Variants in NEDD4L observed in about 807,000 individuals in gnomAD.
The protein encoded by NEDD4L is NEDD4 like E3 ubiquitin protein ligase, also known as E3 ubiquitin-protein ligase NEDD4-like.
In NEDD4L, 54 loss-of-function variants were observed where a neutral mutation model predicts 148.9. The ratio of observed to expected loss-of-function variants is 0.36; its 90% confidence interval spans 0.29 to 0.45. NEDD4L has a LOEUF of 0.45. Among genes scored for constraint, NEDD4L ranks in the 20% least tolerant of loss-of-function variants. The pLI is 1.00. For synonymous variants in NEDD4L, 433 were observed against 440.7 expected, an observed-to-expected ratio of 0.98 and a Z score of 0.22; for missense variants, 856 against 1,233.8, an observed-to-expected ratio of 0.69 and a Z score of 4.59.
chr18:58,389,019 AT>A, intron 27 of NEDD4L, 65 bp from the exon 28 acceptor site: 1 of 1,314,798 alleles, frequency 7.6e-7, no homozygotes, highest in Non-Finnish European at 1.1e-6. Flanking sequence ...GAGGGTGGTC[AT>A]TTCTCAGTGT....
At chr18:58,047,494 T>C (rs1388214221) in intron 1 of NEDD4L, 3 of 985,362 alleles carry the variant, frequency 3.0e-6, no homozygotes, top group Admixed American at 6.1e-5. Flanking sequence ...AGCAGAGGTC[T>C]GTCCACTTTG....
chr18:58,136,578 C>G (rs897664875), intron 1 of NEDD4L, among the ~76,000 whole-genome samples: 6 of 152,100 alleles, frequency 3.9e-5, no homozygotes, highest in African/African-American at 1.4e-4. Flanking sequence ...AAAAGAAGGA[C>G]CTCAGTACAG....
chr18:58,259,547 A>G (rs1263562575), intron 5 of NEDD4L, among the ~76,000 whole-genome samples: 1 of 152,192 alleles, frequency 6.6e-6, no homozygotes, highest in African/African-American at 2.4e-5. Flanking sequence ...TTTGTGCATA[A>G]TAACTGTGAA....
intron 5 of NEDD4L, among the ~76,000 whole-genome samples, chr18:58,254,760 C>A (rs1051131686): frequency 6.6e-6 from 1 of 152,182 alleles, no homozygotes; most frequent in African/African-American, 2.4e-5. Flanking sequence ...CACACGTATA[C>A]ACCTTTTAAA....
intron 6 of NEDD4L, among the ~76,000 whole-genome samples, chr18:58,319,869 G>C (rs1330719395): frequency 6.6e-6 from 1 of 152,166 alleles, no homozygotes; most frequent in Non-Finnish European, 1.5e-5. Flanking sequence ...GAGTGTGCCA[G>C]GTGCCCTTGA....
intron 1 of NEDD4L, among the ~76,000 whole-genome samples, chr18:58,146,175 A>G (rs2034079029): frequency 6.6e-6 from 1 of 152,216 alleles, no homozygotes; most frequent in Non-Finnish European, 1.5e-5. Context: ...AGCTAGCCCT[A>G]GAGATTATTA....
chr18:58,345,687 A>G (rs1292075071), intron 16 of NEDD4L, among the ~76,000 whole-genome samples: 1 of 152,180 alleles, frequency 6.6e-6, no homozygotes, highest in Non-Finnish European at 1.5e-5. Context: ...CAGATACTGA[A>G]GGCAGTATGC....
At chr18:58,157,264 C>T (rs1220798365) in intron 1 of NEDD4L, among the ~76,000 whole-genome samples, 1 of 151,602 alleles carries the variant, frequency 6.6e-6, no homozygotes, top group African/African-American at 2.4e-5. Context: ...TGACTTTTGC[C>T]TGTTTATTAA....
In NEDD4L at chr18:58,169,740, C is replaced by G. The variant is rs539000641; in HGVS notation, c.122+3879C>G. ...TCCCCTTTCCCAAGGACGTACTCTG[C>G]CCTAACCTCACCCTGATCTGGTGAC... is the stretch of plus-strand genomic sequence containing the variant. On this transcript the variant is annotated intron_variant, in intron 2 of 30. Coordinates refer to ENST00000400345, the MANE Select transcript of NEDD4L (RefSeq NM_001144967.3). 7.2e-5 allele frequency among the ~76,000 whole-genome samples: 11 copies of G among 152,298 alleles called. No homozygotes were observed. The East Asian group carries it at 2.1e-3, about 29-fold the overall frequency.
chr18:58,378,810 G>A (rs2083710908), intron 24 of NEDD4L, among the ~76,000 whole-genome samples: 1 of 152,230 alleles, frequency 6.6e-6, no homozygotes, highest in Non-Finnish European at 1.5e-5. Context: ...TATGAGCCAA[G>A]CTGTTTCTCA....
At position 58,337,691 on chromosome 18, in the gene NEDD4L, A is replaced by G. The variant is rs2041946219; in HGVS notation, c.1125+2154A>G. 3.9e-5 allele frequency among the ~76,000 whole-genome samples: 6 copies of G among 152,132 alleles called. 1 individual carries two copies. On this transcript the variant is annotated intron_variant, in intron 13 of 30. Coordinates refer to ENST00000400345, the MANE Select transcript of NEDD4L (RefSeq NM_001144967.3). The stretch of plus-strand genomic sequence containing the variant: ...ACATAATATTCACTGACGTAAAGGC[A>G]CTACAGTGTTAATTTCCCGACATTC...
At chr18:58,371,784 T>G (rs1385240810) in intron 23 of NEDD4L, 1 of 152,320 alleles carries the variant, frequency 6.6e-6, no homozygotes, top group Non-Finnish European at 1.5e-5. Context: ...ACTTTGACCC[T>G]GTGTTTGTGC....
intron 1 of NEDD4L, among the ~76,000 whole-genome samples, chr18:58,071,876 A>C (rs1264965511): frequency 1.3e-5 from 2 of 152,204 alleles, no homozygotes; most frequent in African/African-American, 4.8e-5. Context: ...ATTCAGTACC[A>C]TGAGAACAGT....
chr18:58,279,105 G>C (rs1343259726), intron 5 of NEDD4L, among the ~76,000 whole-genome samples: 1 of 152,002 alleles, frequency 6.6e-6, no homozygotes, highest in Non-Finnish European at 1.5e-5. Flanking sequence ...TCAAACGCCT[G>C]GCCTCAAGTG....
At chr18:58,337,361 T>C (rs2041906054) in intron 13 of NEDD4L, among the ~76,000 whole-genome samples, 1 of 152,206 alleles carries the variant, frequency 6.6e-6, no homozygotes, top group South Asian at 2.1e-4. Context: ...CCACATCCTT[T>C]GTCGTGAATG....
At chr18:58,101,627 C>T (rs565194883) in intron 1 of NEDD4L, among the ~76,000 whole-genome samples, 3 of 152,224 alleles carry the variant, frequency 2.0e-5, no homozygotes, top group South Asian at 4.2e-4. Flanking sequence ...TTTTTGCATA[C>T]CCTGCAATTA....
intron 5 of NEDD4L, among the ~76,000 whole-genome samples, chr18:58,277,363 C>T (rs1457092936): frequency 2.0e-5 from 3 of 152,132 alleles, no homozygotes; most frequent in Admixed American, 6.5e-5. Flanking sequence ...ATGTCAGGAG[C>T]TCTCTTCCTG....
At chr18:58,199,104 C>A (rs2041096721) in intron 2 of NEDD4L, among the ~76,000 whole-genome samples, 1 of 152,122 alleles carries the variant, frequency 6.6e-6, no homozygotes, top group South Asian at 2.1e-4. Flanking sequence ...CTTTGGTTTT[C>A]ATATTGATTA....
At chr18:58,206,811 C>T (rs1356211637) in intron 2 of NEDD4L, among the ~76,000 whole-genome samples, 4 of 152,198 alleles carry the variant, frequency 2.6e-5, no homozygotes, top group African/African-American at 9.7e-5. Context: ...TCCTTGACCT[C>T]ATTGGGCAAA....
Sources: gnomAD v4.1 joint callset for allele counts (sites outside exome capture counted in the v4.1 genomes callset) on GRCh38, gnomAD v4.1.1 for gene constraint, MANE v1.5 for transcripts, NCBI Gene and HGNC (gene_info 2026-07-23, HGNC 2026-07-21) for gene names.